DMTN: variants seen among roughly 807,000 people sequenced by gnomAD.
DMTN encodes the protein dematin.
DMTN carries 27 observed loss-of-function variants against 59.4 expected under a neutral mutation model. The ratio of observed to expected loss-of-function variants is 0.45; its 90% CI spans 0.33 to 0.63. DMTN has a LOEUF of 0.63. Ranked by LOEUF, DMTN falls within the 20% of genes least tolerant of loss-of-function variation. The pLI is 0.02. For synonymous variants in DMTN, 221 were observed against 203.7 expected, an observed-to-expected ratio of 1.08 and a Z score of -0.72; for missense variants, 451 against 528.9, an observed-to-expected ratio of 0.85 and a Z score of 1.45.
rs1314855237 is a variant in DMTN, at chr8:22,069,772, A to G, written c.395-109A>G. 7 of 1,307,160 alleles carry G rather than the reference A, an allele frequency of 5.4e-6. No individual in the cohort carries two copies. In the African/African-American group the frequency reaches 1.0e-4, roughly 19 times the overall value. 81.0% of individuals were successfully genotyped at this position (1,307,160 alleles called of 1,614,324 possible). A position where few individuals can be genotyped will look rare whatever the true frequency, so the allele number is the denominator to read the frequency against. On this transcript the variant is annotated intron_variant, in intron 6 of 15. Transcript: ENST00000358242. ...TGCCAGCCCTGTCTTGGCTCTTGAC[A>G]GGGGCCAGTGAGTTCCCCACCTTGT...
chr8:22,066,916 G>T, intron 2 of DMTN, 23 bp downstream of exon 2: 3 of 1,244,178 alleles, frequency 2.4e-6, no homozygotes, highest in Non-Finnish European at 2.0e-6. Flanking sequence ...GCCCCGGGCC[G>T]GGGCCGCCGA....
chr8:22,074,789 C>T (rs1326203931), intron 10 of DMTN, among the ~76,000 whole-genome samples: 4 of 152,092 alleles, frequency 2.6e-5, no homozygotes, highest in African/African-American at 4.8e-5. Flanking sequence ...CTTTGAATGG[C>T]GTGGCCCACT....
rs1803830727 is a variant in DMTN at position 22,058,227 on chromosome 8, C to T, written c.-172+1091C>T. Among the ~76,000 whole-genome samples, 1 of 152,180 alleles carries T rather than the reference C, an allele frequency of 6.6e-6. No individual in the cohort carries two copies. The highest frequency in any genetic ancestry group is 6.5e-5 in the Admixed American group (1 of 15,282). The stretch of plus-strand genomic sequence containing the variant: ...TCTTGTGTCCGTGCTGCCGGCCTCT[C>T]TGTGGTCAGGCGTTAGACTCCTGGG... On this transcript the variant is annotated intron_variant, in intron 1 of 15. Coordinates refer to ENST00000358242, the MANE Select transcript of DMTN (RefSeq NM_001387751.1). The surrounding 1 kb of genome is among the most constrained non-coding windows in gnomAD (Gnocchi z 4.3).
chr8:22,079,277 A>C (rs191836474), intron 10 of DMTN, among the ~76,000 whole-genome samples: 2 of 27,682 alleles, frequency 7.2e-5, no homozygotes, highest in Non-Finnish European at 6.8e-5. Context: ...TAAATAAATA[A>C]ATATATATAT....
intron 1 of DMTN, among the ~76,000 whole-genome samples, chr8:22,062,091 T>C (rs1806967283): frequency 6.6e-6 from 1 of 152,036 alleles, no homozygotes; most frequent in African/African-American, 2.4e-5. Flanking sequence ...ATGGAAGCCC[T>C]GTATGGTTGT....
chr8:22,064,407 T>C (rs1024167192), intron 1 of DMTN, among the ~76,000 whole-genome samples: 8 of 152,092 alleles, frequency 5.3e-5, no homozygotes, highest in Non-Finnish European at 1.5e-5. Flanking sequence ...AGTATAAAGT[T>C]CCAGAATGGA....
At chr8:22,064,481 C>A (rs1233129345) in intron 1 of DMTN, among the ~76,000 whole-genome samples, 2 of 151,324 alleles carry the variant, frequency 1.3e-5, no homozygotes, top group South Asian at 4.2e-4. Flanking sequence ...TTTTTTGAGA[C>A]GGAGTCTCGC....
At chr8:22,055,962 G>C (rs1198082164), upstream of DMTN, among the ~76,000 whole-genome samples, 1 of 152,230 alleles carries the variant, frequency 6.6e-6, no homozygotes. Flanking sequence ...AGGTAGGCAA[G>C]TCTGCGGTGT....
chr8:22,068,328 C>T (rs1812442569), intron 4 of DMTN, among the ~76,000 whole-genome samples: 1 of 152,212 alleles, frequency 6.6e-6, no homozygotes, highest in Non-Finnish European at 1.5e-5. Flanking sequence ...ATAATCCCAG[C>T]ACTTTTGGAG....
chr8:22,072,565 G>A, intron 9 of DMTN, 115 bp downstream of exon 9: 2 of 1,078,770 alleles, frequency 1.9e-6, no homozygotes, highest in East Asian at 3.4e-5. Flanking sequence ...CCAGGTTCAA[G>A]TGATTCTCCT....
intron 1 of DMTN, among the ~76,000 whole-genome samples, chr8:22,064,475 T>C (rs1017444995): frequency 3.9e-5 from 6 of 152,188 alleles, no homozygotes; most frequent in Admixed American, 3.3e-4. Flanking sequence ...TTTTTTTTTT[T>C]TGAGACGGAG....
At chr8:22,069,114 A>C in intron 5 of DMTN, 54 bp downstream of exon 5, 8 of 1,575,042 alleles carry the variant, frequency 5.1e-6, no homozygotes, top group Non-Finnish European at 6.9e-6. Flanking sequence ...AGGGGATCCT[A>C]ACTCCCTCCC....
upstream of DMTN, among the ~76,000 whole-genome samples, chr8:22,054,105 C>CACACACACACACACACAG (rs762600594): frequency 9.0e-5 from 13 of 145,052 alleles, no homozygotes; most frequent in African/African-American, 3.5e-4. Context: ...ACCACCAATA[C>CACACACACACACACACAG]ACACACACAC....
rs3808651 is a variant in DMTN, at chr8:22,058,152, G to T, written c.-172+1016G>T. Among the ~76,000 whole-genome samples, 11 of 152,272 alleles carry T rather than the reference G, an allele frequency of 7.2e-5. No individual in the cohort carries two copies. Among genetic ancestry groups the T allele is most frequent in the African/African-American group, 2.6e-4 (11 of 41,560 alleles). The stretch of plus-strand genomic sequence containing the variant: ...CTTCGGAGTCTCCCCGCGTGCATGC[G>T]TCCTGCAACGGTTTCAGCGCGGGCG... On this transcript the variant is annotated intron_variant, in intron 1 of 15. Coordinates refer to ENST00000358242, the MANE Select transcript of DMTN (RefSeq NM_001387751.1). This position sits in a 1 kb window ranked among gnomAD's most constrained non-coding sequence, Gnocchi z 4.3.
In DMTN at chr8:22,067,147, C is replaced by A. The variant is rs1027649225; in HGVS notation, c.81C>A (p.Pro27=). The A allele has an allele frequency of 6.2e-7, 1 of 1,610,022 alleles. No homozygotes were observed. The highest frequency in any genetic ancestry group is 8.5e-7 in the Non-Finnish European group (1 of 1,178,460). Residue 27 remains proline, a synonymous_variant, in exon 3 of 16, where the codon CCC becomes CCA. Transcript: ENST00000358242. ...PSRDSSVPGS[P]SSIVAKMDNQ... ...GAGATTCCAGTGTGCCTGGCTCTCC[C>A]TCCAGCATCGTGGTGAGTACCCCTC...
intron 1 of DMTN, among the ~76,000 whole-genome samples, chr8:22,063,855 G>A (rs924381837): frequency 1.3e-5 from 2 of 152,178 alleles, no homozygotes; most frequent in Admixed American, 6.5e-5. Flanking sequence ...TGCTTTGCAT[G>A]GGAGTTATCT....
At position 22,081,954 on chromosome 8, in the gene DMTN, G is replaced by T. The variant is rs1350213414; in HGVS notation, c.*491G>T. On this transcript the variant is annotated 3_prime_UTR_variant, in exon 16 of 16. Coordinates refer to ENST00000358242, the MANE Select transcript of DMTN (RefSeq NM_001387751.1). ...GCTCCTCTGACTCTAGTGGGAACAG[G>T]CCCCAGCTCAGCCTCCGGCAGGGAG... 2.2e-6 allele frequency: 1 copy of T among 456,938 alleles called. No individual in the cohort carries two copies. The highest frequency in any genetic ancestry group is 4.4e-6 in the Non-Finnish European group (1 of 227,112). The allele number at this position is 456,938 out of a possible 1,614,324, so 28.3% of individuals were successfully genotyped here.
Position 22,080,842 on chromosome 8 carries a change from A to T in DMTN, c.995A>T (p.Asn332Ile), listed in dbSNP as rs144534806. 6.3e-7 allele frequency: 1 copy of T among 1,595,064 alleles called. No individual in the cohort carries two copies. Among genetic ancestry groups the T allele is most frequent in the South Asian group, 1.1e-5 (1 of 88,740 alleles). ...CAGAGGGGGAGGATGGACCGGGGGA[A>T]CTCCCTGCCCTGTGTGCTGGAGCAG... ...EGQRGRMDRG[N>I]SLPCVLEQKI... Residue 332 changes from asparagine to isoleucine, a missense_variant, in exon 14 of 16, where the codon AAC becomes ATC. Coordinates refer to ENST00000358242, the MANE Select transcript of DMTN (RefSeq NM_001387751.1).
chr8:22,074,157 G>A (rs949087171), intron 10 of DMTN, among the ~76,000 whole-genome samples: 5 of 152,244 alleles, frequency 3.3e-5, no homozygotes, highest in East Asian at 1.9e-4. Context: ...GTCATGGAAC[G>A]TGGGATTTCG....
Sources: gnomAD v4.1 joint callset for allele counts (sites outside exome capture counted in the v4.1 genomes callset) on GRCh38, gnomAD v4.1.1 for gene constraint, Gnocchi (gnomAD v3.1) non-coding constraint, MANE v1.5 for transcripts, NCBI Gene and HGNC (gene_info 2026-07-23, HGNC 2026-07-21) for gene names.